Variants in CADM1 observed in about 807,000 individuals in gnomAD.
CADM1 encodes TSLC-1.
A neutral mutation model predicts 53.1 loss-of-function variants in CADM1; 15 were observed. The ratio of observed to expected loss-of-function variants is 0.28; its 90% CI spans 0.19 to 0.44. The LOEUF (loss-of-function observed/expected upper bound fraction) is 0.44. CADM1 is among the 20% of genes least tolerant of loss of function. The pLI, the probability that CADM1 is intolerant of heterozygous loss-of-function variation, is 1.00. For synonymous variants in CADM1, 281 were observed against 243.0 expected (o/e 1.16, Z -1.45); for missense variants, 434 against 611.3 (o/e 0.71, Z 3.06).
chr11:115,200,393 A>T (rs1940361909), intron 8 of CADM1, among the ~76,000 whole-genome samples: 1 of 152,246 alleles, frequency 6.6e-6, no homozygotes, highest in Non-Finnish European at 1.5e-5. Flanking sequence ...ATGCATGTTA[A>T]TACATTTTAT....
At chr11:115,289,181 A>G (rs1282178687) in intron 1 of CADM1, among the ~76,000 whole-genome samples, 1 of 152,128 alleles carries the variant, frequency 6.6e-6, no homozygotes, top group Admixed American at 6.5e-5. Context: ...CCTGGCCAAC[A>G]TGGTGAAAAC....
chr11:115,272,152 A>G (rs1943317199), intron 1 of CADM1, among the ~76,000 whole-genome samples: 1 of 152,012 alleles, frequency 6.6e-6, no homozygotes, highest in Admixed American at 6.6e-5. Context: ...CAGTTCACAG[A>G]TGCATTATTA....
chr11:115,352,192 T>G (rs576399365), intron 1 of CADM1, among the ~76,000 whole-genome samples: 1 of 152,304 alleles, frequency 6.6e-6, no homozygotes, highest in Admixed American at 6.5e-5. Context: ...TAAAGGGAAT[T>G]CAGTGCAACA....
intron 9 of CADM1, among the ~76,000 whole-genome samples, chr11:115,191,766 A>T (rs1939881976): frequency 6.6e-6 from 1 of 152,236 alleles, no homozygotes; most frequent in Non-Finnish European, 1.5e-5. Context: ...AGTTTATTTA[A>T]TAACACAAAA....
At chr11:115,444,107 AAAG>A (rs939492557) in intron 1 of CADM1, among the ~76,000 whole-genome samples, 8 of 152,322 alleles carry the variant, frequency 5.3e-5, no homozygotes, top group Middle Eastern at 6.8e-3. Flanking sequence ...AAAAAACATA[AAAG>A]AAGAAAATGA....
At position 115,412,468 on chromosome 11, in the gene CADM1, G is replaced by A. The variant is rs577454990; in HGVS notation, c.124+91803C>T. Among the ~76,000 whole-genome samples the A allele has an allele frequency of 7.9e-5, 12 of 152,226 alleles. 1 individual carries two copies. The South Asian group carries it at 2.1e-3, about 26-fold the overall frequency. On this transcript the variant is annotated intron_variant, in intron 1 of 11. Transcript: ENST00000331581. ...AAACTCTCAGCCTCCTGAAGTGTTGGGATTACAGGCGTGAGCCACTGTGCA... is the reference window on the plus strand; with the variant it reads ...AAACTCTCAGCCTCCTGAAGTGTTGAGATTACAGGCGTGAGCCACTGTGCA...
intron 1 of CADM1, among the ~76,000 whole-genome samples, chr11:115,414,964 T>A (rs952772574): frequency 6.6e-6 from 1 of 152,220 alleles, no homozygotes; most frequent in Non-Finnish European, 1.5e-5. Flanking sequence ...AGGCATCAAT[T>A]ATCCCCTAAT....
intron 1 of CADM1, among the ~76,000 whole-genome samples, chr11:115,376,634 A>G (rs1049540210): frequency 6.6e-6 from 1 of 152,244 alleles, no homozygotes; most frequent in Non-Finnish European, 1.5e-5. Context: ...AAGCAGGTTT[A>G]GAAGAAATTA....
chr11:115,411,746 G>A (rs1245402994), intron 1 of CADM1, among the ~76,000 whole-genome samples: 6 of 151,700 alleles, frequency 4.0e-5, no homozygotes, highest in South Asian at 2.1e-4. Flanking sequence ...AGTTATCAAC[G>A]ATTTGGGGCC....
At chr11:115,354,511 G>C (rs1016402043) in intron 1 of CADM1, among the ~76,000 whole-genome samples, 3 of 152,272 alleles carry the variant, frequency 2.0e-5, no homozygotes, top group Middle Eastern at 3.4e-3. Flanking sequence ...ACTGAGCCTT[G>C]ATGACGGACC....
chr11:115,486,673 A>C (rs1949380085), intron 1 of CADM1, among the ~76,000 whole-genome samples: 1 of 152,138 alleles, frequency 6.6e-6, no homozygotes. Flanking sequence ...TGACATTCAA[A>C]GTTTTTCCAC....
chr11:115,398,416 T>A (rs146713849), intron 1 of CADM1, among the ~76,000 whole-genome samples: 65 of 152,302 alleles, frequency 4.3e-4, no homozygotes, highest in African/African-American at 1.5e-3. Context: ...TGAACTAAAA[T>A]GGCCATGCCT....
intron 1 of CADM1, among the ~76,000 whole-genome samples, chr11:115,449,522 G>A (rs1224820781): frequency 6.6e-6 from 1 of 152,070 alleles, no homozygotes; most frequent in Non-Finnish European, 1.5e-5. Context: ...TTTCCCCCTA[G>A]AAGAGTCATA....
chr11:115,266,627 T>A (rs1027043866), intron 1 of CADM1, among the ~76,000 whole-genome samples: 2 of 152,218 alleles, frequency 1.3e-5, no homozygotes, highest in African/African-American at 4.8e-5. Flanking sequence ...TATAGCCACA[T>A]GAGTATAAGC....
chr11:115,213,692 T>G (rs1202860405), intron 7 of CADM1, among the ~76,000 whole-genome samples: 2 of 152,224 alleles, frequency 1.3e-5, no homozygotes, highest in Non-Finnish European at 2.9e-5. Context: ...TACTTATATT[T>G]GGATTATTTA....
chr11:115,366,511 T>C (rs527336424), intron 1 of CADM1, among the ~76,000 whole-genome samples: 1 of 152,294 alleles, frequency 6.6e-6, no homozygotes, highest in Admixed American at 6.5e-5. Context: ...AAATGTCTCT[T>C]TGTATATGCA....
chr11:115,445,739 G>C (rs1258698801), intron 1 of CADM1: 2 of 450,426 alleles, frequency 4.4e-6, no homozygotes, highest in South Asian at 1.6e-5. Flanking sequence ...AGCTACTTGA[G>C]AGGCTGAGGT....
At chr11:115,260,921 G>A (rs538829109) in intron 1 of CADM1, among the ~76,000 whole-genome samples, 12 of 151,998 alleles carry the variant, frequency 7.9e-5, no homozygotes, top group East Asian at 5.8e-4. Context: ...TGATCCGCCC[G>A]CCTCAGCCTC....
intron 1 of CADM1, among the ~76,000 whole-genome samples, chr11:115,502,327 CTTTTTTTTTTTTTTT>C (rs11358670): frequency 5.7e-5 from 3 of 52,348 alleles, no homozygotes; most frequent in Admixed American, 3.3e-4. Context: ...CGCCCCCCGG[CTTTTTTTTTTTTTTT>C]TTTTTTTTTT....
Sources: allele counts gnomAD v4.1 joint callset (sites outside exome capture counted in the v4.1 genomes callset), GRCh38; gene constraint gnomAD v4.1.1; transcripts MANE v1.5; gene names NCBI Gene and HGNC (gene_info 2026-07-23, HGNC 2026-07-21).